The following PRKAR1B variants were observed in gnomAD, a reference collection of about 807,000 sequenced individuals.
PRKAR1B encodes the protein cAMP-dependent protein kinase type I-beta regulatory subunit.
A neutral mutation model predicts 46.5 loss-of-function variants in PRKAR1B; 22 were observed. The ratio of observed to expected loss-of-function variants is 0.47; its 90% CI spans 0.34 to 0.68. The LOEUF is 0.68. Among genes scored for constraint, PRKAR1B ranks in the 30% least tolerant of loss-of-function variants. The pLI is 0.01. For missense variants in PRKAR1B, 445 were observed against 535.6 expected, an observed-to-expected ratio of 0.83 and a Z score of 1.67; for synonymous variants, 259 against 217.7, an observed-to-expected ratio of 1.19 and a Z score of -1.67.
At chr7:669,867 A>ATTTTTTTTTTTTTTTTTTTT (rs570284003) in intron 4 of PRKAR1B, among the ~76,000 whole-genome samples, 2 of 131,438 alleles carry the variant, frequency 1.5e-5, no homozygotes, top group Non-Finnish European at 3.3e-5. Flanking sequence ...CACGTGCCAT[A>ATTTTTTTTTTTTTTTTTTTT]TTTTTTTTTT....
chr7:624,677 G>C (rs1376268607), intron 4 of PRKAR1B, among the ~76,000 whole-genome samples: 1 of 152,128 alleles, frequency 6.6e-6, no homozygotes, highest in Non-Finnish European at 1.5e-5. Context: ...ACTGGATGAT[G>C]GTCACTATAG....
chr7:671,377 G>A (rs555930605), intron 4 of PRKAR1B, among the ~76,000 whole-genome samples: 7 of 152,324 alleles, frequency 4.6e-5, no homozygotes, highest in South Asian at 2.1e-4. Context: ...GCAGAGGGAC[G>A]GGTGAGTTCC....
intron 2 of PRKAR1B, among the ~76,000 whole-genome samples, chr7:693,389 GC>G (rs917433174): frequency 2.9e-4 from 44 of 152,146 alleles, no homozygotes; most frequent in African/African-American, 1.1e-3. Flanking sequence ...CAGACCCTGT[GC>G]CATTCAGCAG....
chr7:640,532 G>A (rs1365968749), intron 4 of PRKAR1B, among the ~76,000 whole-genome samples: 4 of 152,162 alleles, frequency 2.6e-5, no homozygotes, highest in Non-Finnish European at 4.4e-5. Context: ...GGAGGCCGAG[G>A]CGGGTGGACC....
In PRKAR1B at chr7:680,677, T is replaced by C. The variant is rs369017795; in HGVS notation, c.227A>G (p.Asp76Gly). The stretch of plus-strand genomic sequence containing the variant: ...GGGCGACACCTCCTCATCATGGGAG[T>C]CCGACTGTGAGTTTGACTTTTGCCG... ...LARQKSNSQS[D>G]SHDEEVSPTP... Residue 76 changes from aspartate to glycine, a missense_variant, in exon 3 of 11, where the codon GAC becomes GGC. Asp to Gly is a moderately conservative substitution (Grantham distance 94, BLOSUM62 -1). Coordinates refer to ENST00000537384, the MANE Select transcript of PRKAR1B (RefSeq NM_001164760.2). 9 of 1,613,352 alleles carry C rather than the reference T, an allele frequency of 5.6e-6. No individual in the cohort carries two copies. The highest frequency in any genetic ancestry group is 7.6e-6 in the Non-Finnish European group (9 of 1,179,812).
At chr7:715,568 T>A (rs1162943150) in intron 1 of PRKAR1B, among the ~76,000 whole-genome samples, 5 of 152,098 alleles carry the variant, frequency 3.3e-5, no homozygotes, top group Non-Finnish European at 5.9e-5. Context: ...ACCTACCCCC[T>A]GGGGTAGGTT....
chr7:590,975 A>G (rs536254555), intron 7 of PRKAR1B, among the ~76,000 whole-genome samples: 122 of 152,302 alleles, frequency 8.0e-4, no homozygotes, highest in African/African-American at 2.9e-3. Context: ...GACCCAGCCC[A>G]GGCCATTTTA....
chr7:672,598 T>A (rs529097801), intron 4 of PRKAR1B, among the ~76,000 whole-genome samples: 2 of 152,058 alleles, frequency 1.3e-5, no homozygotes, highest in East Asian at 3.9e-4. Flanking sequence ...CCAGGCGCGA[T>A]GGCTCATGTC....
intron 1 of PRKAR1B, among the ~76,000 whole-genome samples, chr7:716,086 C>T (rs940624425): frequency 5.3e-5 from 8 of 151,772 alleles, no homozygotes; most frequent in African/African-American, 1.7e-4. Context: ...CTCACTCTGT[C>T]GCCCAGGCTG....
intron 9 of PRKAR1B, among the ~76,000 whole-genome samples, chr7:554,550 G>T (rs1368696238): frequency 6.6e-6 from 1 of 152,202 alleles, no homozygotes; most frequent in East Asian, 1.9e-4. Context: ...CCAAATTGAG[G>T]CTGGTAAGGT....
rs952882168 is a variant in PRKAR1B, at chr7:635,386, C to A, written c.441-27934G>T. ...GACTGTGGCATCGCTGCTCTGAAAACAGGGGTCAGAGCAGCAGGCCTGGGC... is the reference window on the plus strand; with the variant it reads ...GACTGTGGCATCGCTGCTCTGAAAAAAGGGGTCAGAGCAGCAGGCCTGGGC... On this transcript the variant is annotated intron_variant, in intron 4 of 10. Transcript: ENST00000537384. Among the ~76,000 whole-genome samples, 11 of 152,344 alleles carry A rather than the reference C, an allele frequency of 7.2e-5. No homozygotes were observed. The South Asian group carries it at 2.3e-3, about 32-fold the overall frequency.
rs1235056673 is a variant in PRKAR1B, at chr7:602,946, C to T, written c.549+3247G>A. Among the ~76,000 whole-genome samples, 1 of 152,196 alleles carries T rather than the reference C, an allele frequency of 6.6e-6. No individual in the cohort carries two copies. The highest frequency in any genetic ancestry group is 1.5e-5 in the Non-Finnish European group (1 of 68,046). ...AGTCCACGCGATCCTGACCCGTCCA[C>T]CACCCTCCTCGAGACACGACAAGTT... On this transcript the variant is annotated intron_variant, in intron 6 of 10. Coordinates refer to ENST00000537384, the MANE Select transcript of PRKAR1B (RefSeq NM_001164760.2). This position sits in a 1 kb window ranked among gnomAD's most constrained non-coding sequence, Gnocchi z 6.4.
At chr7:715,143 C>G (rs908097835) in intron 1 of PRKAR1B, among the ~76,000 whole-genome samples, 2 of 152,104 alleles carry the variant, frequency 1.3e-5, no homozygotes, top group African/African-American at 2.4e-5. Context: ...TGCACTCCAG[C>G]CTGGGCAGCA....
rs1021923442 is a variant in PRKAR1B, at chr7:680,670, A to G, written c.234T>C (p.His78=). The stretch of plus-strand genomic sequence containing the variant: ...GGGGGGTGGGCGACACCTCCTCATC[A>G]TGGGAGTCCGACTGTGAGTTTGACT... ...RQKSNSQSDS[H]DEEVSPTPPN... Residue 78 remains histidine (H), a synonymous_variant, in exon 3 of 11, where the codon CAT becomes CAC. Transcript: ENST00000537384. 4 of 1,613,542 alleles carry G rather than the reference A, an allele frequency of 2.5e-6. No homozygotes were observed. The African/African-American group carries it at 4.0e-5, about 16-fold the overall frequency.
At chr7:712,664 C>A (rs1483188439) in intron 1 of PRKAR1B, 1 of 128,908 alleles carries the variant, frequency 7.8e-6, no homozygotes, top group Non-Finnish European at 1.7e-5. Context: ...CCGCCCCATC[C>A]CCCACCGGCG....
chr7:606,300 T>C (rs1163994410), intron 5 of PRKAR1B, 61 bp from the exon 6 acceptor site: 2 of 1,554,070 alleles, frequency 1.3e-6, no homozygotes, highest in African/African-American at 2.7e-5. Flanking sequence ...AGTTACAGTT[T>C]CTCTTGCAAA....
chr7:569,238 C>G (rs776165688), intron 9 of PRKAR1B, among the ~76,000 whole-genome samples: 1 of 152,162 alleles, frequency 6.6e-6, no homozygotes, highest in African/African-American at 2.4e-5. Flanking sequence ...AAGCAGAAAC[C>G]CTGAGCGTGA....
chr7:551,251 G>A, intron 10 of PRKAR1B, 138 bp downstream of exon 10: 1 of 802,002 alleles, frequency 1.2e-6, no homozygotes, highest in Non-Finnish European at 2.0e-6. Flanking sequence ...TTCTGTTGCA[G>A]CCACACTGGG....
intron 1 of PRKAR1B, chr7:726,835 G>A: frequency 7.5e-7 from 1 of 1,328,570 alleles, no homozygotes; most frequent in Non-Finnish European, 9.6e-7. Flanking sequence ...GCCGGGGCTG[G>A]AGGCCGACAG....
Sources: gnomAD v4.1 joint callset for allele counts (sites outside exome capture counted in the v4.1 genomes callset) on GRCh38, gnomAD v4.1.1 for gene constraint, Gnocchi (gnomAD v3.1) non-coding constraint, MANE v1.5 for transcripts, NCBI Gene and HGNC (gene_info 2026-07-23, HGNC 2026-07-21) for gene names.